The following PSMA5 variants were observed in gnomAD, a reference collection of about 807,000 sequenced individuals.
The protein encoded by PSMA5 is proteasome 20S subunit alpha 5.
A neutral mutation model predicts 34.5 loss-of-function variants in PSMA5; 3 were observed. The ratio of observed to expected loss-of-function variants is 0.09; its 90% CI spans 0.04 to 0.22. PSMA5 has a LOEUF of 0.22. PSMA5 is among the 10% of genes least tolerant of loss of function. PSMA5 has a pLI of 1.00. For missense variants in PSMA5, 120 were observed against 286.1 expected (o/e 0.42, Z 4.19); for synonymous variants, 88 against 95.8 (o/e 0.92, Z 0.47).
intron 2 of PSMA5, among the ~76,000 whole-genome samples, chr1:109,416,067 A>G (rs976512033): frequency 6.6e-6 from 1 of 152,192 alleles, no homozygotes; most frequent in African/African-American, 2.4e-5. Flanking sequence ...GACAATAATA[A>G]TAAGAAGGGT....
intron 8 of PSMA5, among the ~76,000 whole-genome samples, chr1:109,407,258 A>G (rs1175533140): frequency 6.6e-6 from 1 of 152,166 alleles, no homozygotes; most frequent in East Asian, 1.9e-4. Context: ...AAGTGCTGAG[A>G]TTACAGGCAT....
At chr1:109,412,337 CAT>C in intron 4 of PSMA5, 153 bp from the exon 5 acceptor site, 1 of 605,378 alleles carries the variant, frequency 1.7e-6, no homozygotes, top group Non-Finnish European at 2.9e-6. Context: ...CTTGGGAGTA[CAT>C]GAGAGGAAGA....
chr1:109,406,172 C>T (rs1485499677), intron 8 of PSMA5, among the ~76,000 whole-genome samples: 1 of 152,028 alleles, frequency 6.6e-6, no homozygotes, highest in Non-Finnish European at 1.5e-5. Flanking sequence ...AAAGAGTGAC[C>T]ATGAAATCTG....
intron 8 of PSMA5, among the ~76,000 whole-genome samples, chr1:109,406,769 A>G (rs1203981424): frequency 6.6e-6 from 1 of 152,200 alleles, no homozygotes; most frequent in Admixed American, 6.5e-5. Flanking sequence ...ACAAAGGGAC[A>G]TGAGAGAACT....
At chr1:109,405,936 A>G (rs2100954417) in intron 8 of PSMA5, among the ~76,000 whole-genome samples, 1 of 152,336 alleles carries the variant, frequency 6.6e-6, no homozygotes, top group Non-Finnish European at 1.5e-5. Flanking sequence ...GAGAAGGGAC[A>G]TGGATTTGGG....
At position 109,413,144 on chromosome 1, in the gene PSMA5, T is replaced by C; in HGVS notation, c.224-9A>G. The C allele has an allele frequency of 6.2e-7, 1 of 1,612,328 alleles. No homozygotes were observed. Among genetic ancestry groups the C allele is most frequent in the Non-Finnish European group, 8.5e-7 (1 of 1,178,734 alleles). On this transcript the variant is annotated splice_polypyrimidine_tract_variant and intron_variant, in intron 3 of 8. Coordinates refer to ENST00000271308, the MANE Select transcript of PSMA5 (RefSeq NM_002790.4). ...CCCACTCATGGCACAACCTGCAATGTAAAAGCGACAGTGACCCAGTGGCCA... is the reference window on the plus strand; with the variant it reads ...CCCACTCATGGCACAACCTGCAATGCAAAAGCGACAGTGACCCAGTGGCCA...
Position 109,402,019 on chromosome 1 carries a change from G to A in PSMA5, c.720C>T (p.Asp240=). 6.2e-7 allele frequency: 1 copy of A among 1,607,394 alleles called. No individual in the cohort carries two copies. The highest frequency in any genetic ancestry group is 8.5e-7 in the Non-Finnish European group (1 of 1,174,872). Residue 240 remains aspartate, a synonymous_variant, in exon 9 of 9, where the codon GAC becomes GAT. Transcript: ENST00000271308. ...TKEELEEVIK[D]I ...TTCTGAGGATCAGGATTCCTTAAATGTCCTTGATAACCTCTTCAAGTTCTT... is the reference window on the plus strand; with the variant it reads ...TTCTGAGGATCAGGATTCCTTAAATATCCTTGATAACCTCTTCAAGTTCTT...
At position 109,415,286 on chromosome 1, in the gene PSMA5, C is replaced by A; in HGVS notation, c.174G>T (p.Leu58=). ...LAVEKRITSP[L]MEPSSIEKIV... Reference sequence around the variant, plus strand: ...TTTTCTCAATGCTGCTGGGCTCCATCAGTGGGGAAGTAATTCTCTTCTCCA... The same window carrying A: ...TTTTCTCAATGCTGCTGGGCTCCATAAGTGGGGAAGTAATTCTCTTCTCCA... The change falls in exon 3 of 9, where the codon CTG becomes CTT. Residue 58 remains leucine (L), a synonymous_variant. Transcript: ENST00000271308. 1.2e-6 allele frequency: 2 copies of A among 1,614,088 alleles called. No homozygotes were observed. Among genetic ancestry groups the A allele is most frequent in the Non-Finnish European group, 1.7e-6 (2 of 1,179,954 alleles).
rs1455823663 is a variant in PSMA5, at chr1:109,415,307, C to T, written c.153G>A (p.Glu51=). The T allele has an allele frequency of 1.9e-6, 3 of 1,614,078 alleles. No homozygotes were observed. Among genetic ancestry groups the T allele is most frequent in the Non-Finnish European group, 2.5e-6 (3 of 1,179,946 alleles). ...QTSEGVCLAV[E]KRITSPLMEP... ...CCATCAGTGGGGAAGTAATTCTCTTCTCCACAGCTAGGCACACACCCTCTG... is the reference window on the plus strand; with the variant it reads ...CCATCAGTGGGGAAGTAATTCTCTTTTCCACAGCTAGGCACACACCCTCTG... Residue 51 remains glutamate, a synonymous_variant, in exon 3 of 9, where the codon GAG becomes GAA. Coordinates refer to ENST00000271308, the MANE Select transcript of PSMA5 (RefSeq NM_002790.4).
chr1:109,406,556 A>G (rs918694902), intron 8 of PSMA5, among the ~76,000 whole-genome samples: 32 of 152,284 alleles, frequency 2.1e-4, no homozygotes, highest in Non-Finnish European at 3.4e-4. Flanking sequence ...AACATTAGCC[A>G]GGCATGGTGT....
At chr1:109,420,497 T>C (rs140709953) in intron 2 of PSMA5, among the ~76,000 whole-genome samples, 421 of 152,328 alleles carry the variant, frequency 2.8e-3, no homozygotes, top group Non-Finnish European at 4.6e-3. Context: ...GCCTCAAGAA[T>C]TGCTATTTTT....
intron 2 of PSMA5, among the ~76,000 whole-genome samples, chr1:109,418,026 C>A (rs1479174757): frequency 6.6e-6 from 1 of 151,938 alleles, no homozygotes; most frequent in Non-Finnish European, 1.5e-5. Context: ...GAGTTTGAGA[C>A]CAGCCTGGGC....
intron 3 of PSMA5, chr1:109,414,672 G>A (rs1273310965): frequency 6.6e-6 from 1 of 152,210 alleles, no homozygotes; most frequent in African/African-American, 2.4e-5. Flanking sequence ...AGCTCCCAGA[G>A]TCACCATGGC....
chr1:109,424,013 T>C (rs578217910), intron 1 of PSMA5, among the ~76,000 whole-genome samples: 25 of 152,362 alleles, frequency 1.6e-4, no homozygotes, highest in Admixed American at 1.2e-3. Flanking sequence ...ACGTATCATA[T>C]GTGCCAGTCA....
chr1:109,419,009 C>A (rs1406234268), intron 2 of PSMA5, among the ~76,000 whole-genome samples: 1 of 151,862 alleles, frequency 6.6e-6, no homozygotes, highest in African/African-American at 2.4e-5. Context: ...GCAAAATTAG[C>A]CAGCGTGGTG....
chr1:109,422,529 C>G (rs541711193), intron 1 of PSMA5, among the ~76,000 whole-genome samples: 1 of 147,070 alleles, frequency 6.8e-6, no homozygotes, highest in East Asian at 2.0e-4. Flanking sequence ...GTCGCTCAGG[C>G]GGGTGCGATC....
rs1430065412 is a variant in PSMA5 at position 109,399,200 on chromosome 1, A to T, written c.*2813T>A. On this transcript the variant is annotated 3_prime_UTR_variant, in exon 9 of 9. Transcript: ENST00000271308. ...ACAAAAAGACTTAACGAATTTACAA[A>T]TTTTTCCAAGACGTGAGAAGTGAAA... 1.3e-5 allele frequency: 2 copies of T among 152,204 alleles called. No homozygotes were observed. The highest frequency in any genetic ancestry group is 1.5e-5 in the Non-Finnish European group (1 of 68,036). 9.4% of individuals were successfully genotyped at this position (152,204 alleles called of 1,614,324 possible).
chr1:109,402,831 G>A (rs984110217), intron 8 of PSMA5, among the ~76,000 whole-genome samples: 1 of 152,048 alleles, frequency 6.6e-6, no homozygotes, highest in Non-Finnish European at 1.5e-5. Context: ...TCAGCCTCTC[G>A]AGTAGCTGGG....
At chr1:109,416,234 C>G (rs1446459363) in intron 2 of PSMA5, among the ~76,000 whole-genome samples, 1 of 152,132 alleles carries the variant, frequency 6.6e-6, no homozygotes. Context: ...TAATAAAATG[C>G]TATTATCATT....
Sources: gnomAD v4.1 joint callset for allele counts (sites outside exome capture counted in the v4.1 genomes callset) on GRCh38, gnomAD v4.1.1 for gene constraint, MANE v1.5 for transcripts, NCBI Gene and HGNC (gene_info 2026-07-23, HGNC 2026-07-21) for gene names.